Variants in CHST11 observed in about 807,000 individuals in gnomAD.
CHST11 encodes the protein C4S-1.
In CHST11, 9 loss-of-function variants were observed where a neutral mutation model predicts 30.4. That is an observed-to-expected ratio of 0.30 (90% confidence interval 0.18 to 0.52). The LOEUF (loss-of-function observed/expected upper bound fraction) is 0.52. Ranked by LOEUF, CHST11 falls within the 20% of genes least tolerant of loss-of-function variation. The pLI, the probability that CHST11 is intolerant of heterozygous loss-of-function variation, is 0.97. For synonymous variants in CHST11, 152 were observed against 187.8 expected (o/e 0.81, Z 1.56); for missense variants, 348 against 460.6 (o/e 0.76, Z 2.24).
At chr12:104,588,540 C>T (rs1050277485) in intron 1 of CHST11, among the ~76,000 whole-genome samples, 1 of 152,210 alleles carries the variant, frequency 6.6e-6, no homozygotes, top group Non-Finnish European at 1.5e-5. Context: ...CCGCCAAAGA[C>T]CAGACCCACC....
chr12:104,537,803 C>G (rs1355892871), intron 1 of CHST11, among the ~76,000 whole-genome samples: 1 of 150,840 alleles, frequency 6.6e-6, no homozygotes, highest in East Asian at 2.0e-4. Context: ...TCTGGTGATC[C>G]TCACACCTCA....
intron 1 of CHST11, among the ~76,000 whole-genome samples, chr12:104,558,423 T>C (rs2038479269): frequency 6.6e-6 from 1 of 152,124 alleles, no homozygotes; most frequent in African/African-American, 2.4e-5. Flanking sequence ...ATCTGAATTG[T>C]ACCAATTCCT....
chr12:104,591,302 T>C (rs536380095), intron 1 of CHST11, among the ~76,000 whole-genome samples: 1 of 152,162 alleles, frequency 6.6e-6, no homozygotes. Context: ...TTCTAGAAGA[T>C]TATTCTGGCC....
intron 1 of CHST11, among the ~76,000 whole-genome samples, chr12:104,557,514 C>T (rs1055166148): frequency 2.2e-4 from 34 of 151,978 alleles, no homozygotes; most frequent in African/African-American, 8.0e-4. Flanking sequence ...CGGCCTGGGT[C>T]TCAGATAATG....
intron 2 of CHST11, among the ~76,000 whole-genome samples, chr12:104,739,846 C>T (rs959159460): frequency 1.3e-5 from 2 of 152,190 alleles, no homozygotes; most frequent in Non-Finnish European, 2.9e-5. Flanking sequence ...GATCATGGGG[C>T]TGGTCAGGGC....
rs187748990 is a variant in CHST11 at position 104,757,427 on chromosome 12, C to T, written c.683C>T (p.Ala228Val). Residue 228 changes from alanine to valine, a missense_variant, in exon 3 of 3, where the codon GCC becomes GTC. This residue lies in a region of CHST11 where 210 missense variants were observed against 287.2 expected (regional missense o/e 0.73). Coordinates refer to ENST00000303694, the MANE Select transcript of CHST11 (RefSeq NM_018413.6). The surrounding 1 kb of genome is among the most constrained non-coding windows in gnomAD (Gnocchi z 6.5). The part of the protein sequence containing the change: ...KRQRKNATQE[A>V]LRKGDDVKFE... ...CAGCGGAAGAACGCCACCCAGGAGG[C>T]CCTGCGCAAAGGGGACGATGTCAAA... 4.3e-6 allele frequency: 7 copies of T among 1,614,126 alleles called. No individual in the cohort carries two copies. The highest frequency in any genetic ancestry group is 8.5e-7 in the Non-Finnish European group (1 of 1,180,024).
intron 2 of CHST11, among the ~76,000 whole-genome samples, chr12:104,624,673 C>T (rs890025918): frequency 3.9e-5 from 6 of 152,206 alleles, no homozygotes; most frequent in African/African-American, 1.4e-4. Flanking sequence ...GTGGCAGGCT[C>T]TCAATTCTAG....
At chr12:104,594,471 A>G (rs1176571833) in intron 1 of CHST11, among the ~76,000 whole-genome samples, 1 of 152,194 alleles carries the variant, frequency 6.6e-6, no homozygotes, top group African/African-American at 2.4e-5. Flanking sequence ...ATTTATGAGA[A>G]CGGTTTAGGA....
intron 1 of CHST11, among the ~76,000 whole-genome samples, chr12:104,473,479 G>C (rs1408758791): frequency 6.6e-6 from 1 of 152,166 alleles, no homozygotes; most frequent in Non-Finnish European, 1.5e-5. Context: ...GTGTATCCGG[G>C]TCAGGCTGCA....
Position 104,686,232 on chromosome 12 carries a change from T to TAAAAAAAAAAAAAAAAAA in CHST11, c.205-70700_205-70699insAAAAAAAAAAAAAAAAAA, listed in dbSNP as rs55789725. On this transcript the variant is annotated intron_variant, in intron 2 of 2. Coordinates refer to ENST00000303694, the MANE Select transcript of CHST11 (RefSeq NM_018413.6). The stretch of plus-strand genomic sequence containing the variant: ...GATCACAAAGGGAGAACTCACCTCT[T>TAAAAAAAAAAAAAAAAAA]AAAAAAAAAAAAAAAAAGACAACAT... Among the ~76,000 whole-genome samples, 61 of 99,118 alleles carry TAAAAAAAAAAAAAAAAAA rather than the reference T, an allele frequency of 6.2e-4. 3 individuals carry two copies. The highest frequency in any genetic ancestry group is 2.0e-3 in the African/African-American group (58 of 29,676). The allele number at this position is 99,118 out of a possible 152,430, so 65.0% of individuals were successfully genotyped here.
intron 2 of CHST11, among the ~76,000 whole-genome samples, chr12:104,715,049 C>T (rs1164154571): frequency 6.6e-6 from 1 of 152,176 alleles, no homozygotes; most frequent in African/African-American, 2.4e-5. Context: ...GCTCCTGTGC[C>T]AGCCTTAGTT....
chr12:104,712,260 G>A (rs897502308), intron 2 of CHST11, among the ~76,000 whole-genome samples: 1 of 152,112 alleles, frequency 6.6e-6, no homozygotes, highest in Middle Eastern at 3.2e-3. Context: ...TTGTCCAGGT[G>A]CACAGCCAAC....
chr12:104,467,916 G>A (rs1225600781), intron 1 of CHST11, among the ~76,000 whole-genome samples: 1 of 152,168 alleles, frequency 6.6e-6, no homozygotes, highest in Non-Finnish European at 1.5e-5. Context: ...CTGGACACCA[G>A]CTTTTAGGAT....
At chr12:104,543,853 G>A (rs755015906) in intron 1 of CHST11, among the ~76,000 whole-genome samples, 31 of 152,062 alleles carry the variant, frequency 2.0e-4, no homozygotes, top group Non-Finnish European at 4.0e-4. Flanking sequence ...CTGAAGCAGG[G>A]CATGGAGGTA....
chr12:104,576,966 C>T (rs1317007724), intron 1 of CHST11, among the ~76,000 whole-genome samples: 2 of 151,988 alleles, frequency 1.3e-5, no homozygotes, highest in East Asian at 1.9e-4. Context: ...AGGGTGGTGG[C>T]ATTGCAGGGG....
intron 1 of CHST11, among the ~76,000 whole-genome samples, chr12:104,574,450 G>T (rs2038661915): frequency 6.6e-6 from 1 of 152,210 alleles, no homozygotes; most frequent in East Asian, 1.9e-4. Context: ...GAAAGACTTG[G>T]AGCCAACCCA....
chr12:104,561,098 CAT>C (rs144020499), intron 1 of CHST11, among the ~76,000 whole-genome samples: 3,040 of 152,306 alleles, frequency 0.02, 113 homozygotes, highest in African/African-American at 0.07. Flanking sequence ...TTACCAAACT[CAT>C]GTGCTATTTG....
At chr12:104,567,300 G>A (rs1413949088) in intron 1 of CHST11, among the ~76,000 whole-genome samples, 1 of 152,206 alleles carries the variant, frequency 6.6e-6, no homozygotes, top group African/African-American at 2.4e-5. Context: ...AGGCAAGGAG[G>A]TGCAGTTACA....
chr12:104,616,292 A>G (rs1299489401), intron 2 of CHST11, among the ~76,000 whole-genome samples: 1 of 152,200 alleles, frequency 6.6e-6, no homozygotes, highest in African/African-American at 2.4e-5. Context: ...TGCAATGCTC[A>G]GTCCACCCAA....
Sources: gnomAD v4.1 joint callset for allele counts (sites outside exome capture counted in the v4.1 genomes callset) on GRCh38, gnomAD v4.1.1 for gene constraint, gnomAD v4.1.1 regional missense constraint, Gnocchi (gnomAD v3.1) non-coding constraint, MANE v1.5 for transcripts, NCBI Gene and HGNC (gene_info 2026-07-23, HGNC 2026-07-21) for gene names.